Variants in ASCC3 observed in about 807,000 individuals in gnomAD.
ASCC3 encodes ASC-1 complex subunit P200.
ASCC3 carries 158 observed loss-of-function variants against 256.3 expected under a neutral mutation model. The ratio of observed to expected loss-of-function variants is 0.62; its 90% CI spans 0.54 to 0.70. ASCC3 has a LOEUF of 0.70. Ranked by LOEUF, ASCC3 falls within the 30% of genes least tolerant of loss-of-function variation. The pLI is 0.00. For synonymous variants in ASCC3, 948 were observed against 883.4 expected (o/e 1.07, Z -1.30); for missense variants, 2,259 against 2,626.0 (o/e 0.86, Z 3.05).
intron 1 of ASCC3, among the ~76,000 whole-genome samples, chr6:100,879,074 T>C (rs1312516331): frequency 6.6e-6 from 1 of 152,032 alleles, no homozygotes; most frequent in East Asian, 1.9e-4. Context: ...TTTGCTAGAG[T>C]GGTTCACAGA....
rs780320775 is a variant in ASCC3, at chr6:100,601,895, C to A, written c.5218G>T (p.Ala1740Ser). 3 of 1,612,522 alleles carry A rather than the reference C, an allele frequency of 1.9e-6. No homozygotes were observed. Among genetic ancestry groups the A allele is most frequent in the East Asian group, 2.2e-5 (1 of 44,770 alleles). The change falls in exon 34 of 42, where the codon GCT (alanine) becomes TCT (serine). Residue 1740 changes from alanine to serine, a missense_variant. This residue lies in a region of ASCC3 where 1,839 missense variants were observed against 2,206.7 expected (regional missense o/e 0.83). Transcript: ENST00000369162. ...VLSDHLNAEI[A>S]GGTITSKQDA... ...TGCTTAGATGTAATTGTACCACCAG[C>A]AATCTCTGCATTTAAGTGGTCAGAG...
At chr6:100,529,284 TTCTC>T (rs1163234847) in intron 37 of ASCC3, among the ~76,000 whole-genome samples, 1 of 152,192 alleles carries the variant, frequency 6.6e-6, no homozygotes, top group Non-Finnish European at 1.5e-5. Flanking sequence ...AATCTGATCT[TTCTC>T]TCATTATTTT....
chr6:100,651,522 T>G, intron 19 of ASCC3, 38 bp downstream of exon 19: 1 of 1,184,808 alleles, frequency 8.4e-7, no homozygotes, highest in Non-Finnish European at 1.2e-6. Flanking sequence ...AATGCATACA[T>G]GTTGTATGCA....
intron 4 of ASCC3, among the ~76,000 whole-genome samples, chr6:100,826,741 A>G (rs1347614544): frequency 6.6e-6 from 1 of 152,200 alleles, no homozygotes; most frequent in Non-Finnish European, 1.5e-5. Flanking sequence ...CTGCAGGATA[A>G]AGAATGAAGA....
chr6:100,705,653 G>A (rs1778545425), intron 13 of ASCC3, among the ~76,000 whole-genome samples: 1 of 151,834 alleles, frequency 6.6e-6, no homozygotes, highest in South Asian at 2.1e-4. Context: ...TTTTTTAACT[G>A]ATTGTGGGGA....
At chr6:100,818,812 A>G (rs1231753053) in intron 4 of ASCC3, among the ~76,000 whole-genome samples, 3 of 120,762 alleles carry the variant, frequency 2.5e-5, no homozygotes, top group African/African-American at 3.5e-5. Context: ...GTAAAACTAC[A>G]TATAAAAAAA....
chr6:100,774,365 GACTA>G (rs71848839), intron 8 of ASCC3, among the ~76,000 whole-genome samples: 13,729 of 148,078 alleles, frequency 0.093, 867 homozygotes, highest in Middle Eastern at 0.16. Flanking sequence ...CACCACACCT[GACTA>G]ACTTTTTTTT....
At chr6:100,666,720 T>C (rs1351555733) in intron 14 of ASCC3, among the ~76,000 whole-genome samples, 1 of 152,186 alleles carries the variant, frequency 6.6e-6, no homozygotes, top group Non-Finnish European at 1.5e-5. Context: ...TGTGTTATAA[T>C]ACAGCTGTAC....
intron 10 of ASCC3, among the ~76,000 whole-genome samples, chr6:100,753,505 TTTTA>T (rs1781038783): frequency 1.5e-5 from 1 of 67,358 alleles, no homozygotes; most frequent in African/African-American, 6.0e-5. Flanking sequence ...CCCTTTTTTT[TTTTA>T]AAAAAAAAAA....
Position 100,510,111 on chromosome 6 carries a change from T to C in ASCC3, c.6286-4A>G. 1 of 1,614,050 alleles carries C rather than the reference T, an allele frequency of 6.2e-7. No individual in the cohort carries two copies. On this transcript the variant is annotated splice_region_variant and splice_polypyrimidine_tract_variant and intron_variant, in intron 40 of 41. Coordinates refer to ENST00000369162, the MANE Select transcript of ASCC3 (RefSeq NM_006828.4). Reference sequence around the variant, plus strand: ...CTGCACAGCTCTCTGGCTTTCCCTGTAAACCAGAAAAAAAGATACAACATT... The same window carrying C: ...CTGCACAGCTCTCTGGCTTTCCCTGCAAACCAGAAAAAAAGATACAACATT...
intron 13 of ASCC3, among the ~76,000 whole-genome samples, chr6:100,714,970 C>T (rs1375217359): frequency 6.6e-6 from 1 of 151,974 alleles, no homozygotes; most frequent in Non-Finnish European, 1.5e-5. Context: ...AAAAGGCTCA[C>T]ATTGTTTTAA....
chr6:100,570,679 A>G (rs1479900103), intron 36 of ASCC3, among the ~76,000 whole-genome samples: 1 of 152,062 alleles, frequency 6.6e-6, no homozygotes, highest in East Asian at 1.9e-4. Context: ...AACCAATTCA[A>G]TGACTTTGAA....
At chr6:100,585,717 A>G (rs1416550827) in intron 36 of ASCC3, among the ~76,000 whole-genome samples, 2 of 151,810 alleles carry the variant, frequency 1.3e-5, no homozygotes, top group African/African-American at 4.8e-5. Flanking sequence ...GGTTTTATCT[A>G]CTTTTGGTCT....
At chr6:100,848,989 C>T (rs1002749989) in intron 3 of ASCC3, among the ~76,000 whole-genome samples, 2 of 151,906 alleles carry the variant, frequency 1.3e-5, no homozygotes, top group East Asian at 3.9e-4. Flanking sequence ...ACCTGTAGTC[C>T]CAGCTACTCA....
intron 39 of ASCC3, 131 bp downstream of exon 39, chr6:100,516,049 T>C: frequency 2.8e-6 from 3 of 1,081,706 alleles, no homozygotes; most frequent in South Asian, 1.3e-5. Flanking sequence ...TTCATAATCA[T>C]AGTAGTAAAT....
chr6:100,559,677 C>A (rs1263596140), intron 36 of ASCC3, among the ~76,000 whole-genome samples: 2 of 151,948 alleles, frequency 1.3e-5, no homozygotes, highest in Non-Finnish European at 2.9e-5. Context: ...TGGTGAAACC[C>A]CATCTCTACT....
chr6:100,879,892 T>A (rs966872394), intron 1 of ASCC3, among the ~76,000 whole-genome samples: 1 of 152,170 alleles, frequency 6.6e-6, no homozygotes, highest in Non-Finnish European at 1.5e-5. Flanking sequence ...TTTTAAAAGC[T>A]TTGTTTTGGT....
rs760859379 is a variant in ASCC3 at position 100,725,693 on chromosome 6, G to T, written c.1748C>A (p.Thr583Asn). 6.2e-7 allele frequency: 1 copy of T among 1,612,302 alleles called. No individual in the cohort carries two copies. Among genetic ancestry groups the T allele is most frequent in the Non-Finnish European group, 8.5e-7 (1 of 1,178,830 alleles). The change falls in exon 11 of 42, where the codon ACC becomes AAC. Residue 583 changes from threonine (T) to asparagine (N), a missense_variant. Coordinates refer to ENST00000369162, the MANE Select transcript of ASCC3 (RefSeq NM_006828.4). ...CACTACATCCCATTTTTCTGGTGTG[G>T]TCACAAGCATCTATAAGAGAAGACA... ...SEILRTQMLV[T>N]TPEKWDVVTR...
intron 12 of ASCC3, among the ~76,000 whole-genome samples, chr6:100,716,633 C>T (rs1007333175): frequency 6.6e-6 from 1 of 151,912 alleles, no homozygotes; most frequent in Admixed American, 6.6e-5. Flanking sequence ...ACAAAACTCC[C>T]AATAACTTTT....
Sources: allele counts gnomAD v4.1 joint callset (sites outside exome capture counted in the v4.1 genomes callset), GRCh38; gene constraint gnomAD v4.1.1; regional missense constraint gnomAD v4.1.1; transcripts MANE v1.5; gene names NCBI Gene and HGNC (gene_info 2026-07-23, HGNC 2026-07-21).